Variants in SSH2 observed in about 807,000 individuals in gnomAD.
The protein encoded by SSH2 is protein phosphatase Slingshot homolog 2.
A neutral mutation model predicts 135.2 loss-of-function variants in SSH2; 37 were observed. That is an observed-to-expected ratio of 0.27 (90% CI 0.21 to 0.36). The LOEUF (loss-of-function observed/expected upper bound fraction) is 0.36, where lower values mean the gene tolerates loss of function less well. Among genes scored for constraint, SSH2 ranks in the 10% least tolerant of loss-of-function variants. The pLI, the probability that SSH2 is intolerant of heterozygous loss-of-function variation, is 1.00. For synonymous variants in SSH2, 628 were observed against 646.2 expected, an observed-to-expected ratio of 0.97 and a Z score of 0.43; for missense variants, 1,408 against 1,765.3, an observed-to-expected ratio of 0.80 and a Z score of 3.63.
chr17:29,830,848 T>C (rs1444993366), intron 2 of SSH2, among the ~76,000 whole-genome samples: 1 of 152,134 alleles, frequency 6.6e-6, no homozygotes, highest in East Asian at 1.9e-4. Context: ...CCAGTTTAAT[T>C]AGTTCAAGAT....
At chr17:29,687,325 T>C (rs183353430) in intron 5 of SSH2, among the ~76,000 whole-genome samples, 186 of 152,360 alleles carry the variant, frequency 1.2e-3, no homozygotes, top group African/African-American at 4.3e-3. Context: ...AGTGGCTACA[T>C]TAAATCTTGT....
intron 8 of SSH2, among the ~76,000 whole-genome samples, 158 bp from the exon 9 acceptor site, chr17:29,672,287 C>T (rs1260556076): frequency 6.6e-6 from 1 of 152,098 alleles, no homozygotes; most frequent in Admixed American, 6.6e-5. Context: ...CTGATTATAC[C>T]ATATTATCTA....
chr17:29,715,201 T>C (rs2039578351), intron 3 of SSH2, among the ~76,000 whole-genome samples: 1 of 151,532 alleles, frequency 6.6e-6, no homozygotes, highest in African/African-American at 2.4e-5. Flanking sequence ...AACCTCCTTT[T>C]GGCTTTTTCT....
At chr17:29,893,557 C>T (rs565896003) in intron 1 of SSH2, among the ~76,000 whole-genome samples, 1 of 152,218 alleles carries the variant, frequency 6.6e-6, no homozygotes, top group East Asian at 1.9e-4. Flanking sequence ...TTCCCAGACA[C>T]CGAATCTGCT....
intron 2 of SSH2, among the ~76,000 whole-genome samples, chr17:29,815,830 C>T (rs1483231826): frequency 6.6e-6 from 1 of 151,924 alleles, no homozygotes; most frequent in Non-Finnish European, 1.5e-5. Context: ...TCTCTAGAGC[C>T]CTGATTGTTT....
intron 3 of SSH2, among the ~76,000 whole-genome samples, chr17:29,750,309 C>T (rs956021243): frequency 9.3e-5 from 14 of 150,752 alleles, no homozygotes; most frequent in African/African-American, 2.4e-4. Context: ...CGTGGTGGCA[C>T]GCACCTGTAA....
intron 3 of SSH2, among the ~76,000 whole-genome samples, chr17:29,759,407 T>A (rs575583475): frequency 2.0e-5 from 3 of 152,224 alleles, no homozygotes; most frequent in African/African-American, 7.2e-5. Context: ...TTACTTTTAC[T>A]GGCCATGAAT....
At chr17:29,888,004 A>G (rs1036725769) in intron 1 of SSH2, among the ~76,000 whole-genome samples, 7 of 152,136 alleles carry the variant, frequency 4.6e-5, no homozygotes, top group African/African-American at 1.4e-4. Flanking sequence ...TGGGAGGCCA[A>G]TACTGGAGGA....
At chr17:29,697,571 G>T (rs2038809012) in intron 4 of SSH2, among the ~76,000 whole-genome samples, 1 of 152,044 alleles carries the variant, frequency 6.6e-6, no homozygotes. Flanking sequence ...GCGGGGGAGT[G>T]CTTGAGGCTA....
At chr17:29,648,078 A>G in intron 14 of SSH2, 66 bp downstream of exon 14, 1 of 1,430,792 alleles carries the variant, frequency 7.0e-7, no homozygotes, top group Non-Finnish European at 9.8e-7. Flanking sequence ...AGCTACAGAG[A>G]AGGACACTTC....
Position 29,636,243 on chromosome 17 carries a change from G to C in SSH2, c.1987C>G (p.Pro663Ala). The part of the protein sequence containing the change: ...SPDPESPSPQ[P>A]SCQTEISDFS... ...TCTGAGATTTCAGTCTGGCAACTGG[G>C]TTGGGGGCTTGGTGACTCAGGATCA... Residue 663 changes from proline to alanine, a missense_variant, in exon 15 of 16, where the codon CCC becomes GCC. By Grantham distance (27) the Pro-to-Ala change is conservative (BLOSUM62 -1). Coordinates refer to ENST00000540801, the MANE Select transcript of SSH2 (RefSeq NM_001282129.2). 6.2e-7 allele frequency: 1 copy of C among 1,614,114 alleles called. No individual in the cohort carries two copies. The highest frequency in any genetic ancestry group is 8.5e-7 in the Non-Finnish European group (1 of 1,180,036).
chr17:29,643,576 C>A (rs1033104315), intron 14 of SSH2, among the ~76,000 whole-genome samples: 1 of 152,076 alleles, frequency 6.6e-6, no homozygotes, highest in Admixed American at 6.6e-5. Context: ...TCACTGCAAC[C>A]TTTGCACCTT....
chr17:29,783,843 G>C (rs1205239211), intron 3 of SSH2, among the ~76,000 whole-genome samples: 1 of 151,422 alleles, frequency 6.6e-6, no homozygotes, highest in Non-Finnish European at 1.5e-5. Flanking sequence ...GAGGCGGGCG[G>C]ATCACGAGGT....
At chr17:29,838,330 C>A (rs1235706830) in intron 2 of SSH2, among the ~76,000 whole-genome samples, 1 of 152,202 alleles carries the variant, frequency 6.6e-6, no homozygotes, top group Non-Finnish European at 1.5e-5. Flanking sequence ...TTGGTGTTGG[C>A]CTGCAGGTGC....
chr17:29,677,532 G>A (rs894098966), intron 7 of SSH2, 141 bp downstream of exon 7: 1 of 710,716 alleles, frequency 1.4e-6, no homozygotes, highest in African/African-American at 1.8e-5. Context: ...TACAAAACAG[G>A]AGTTTAAAAG....
At position 29,636,038 on chromosome 17, in the gene SSH2, T is replaced by C; in HGVS notation, c.2192A>G (p.Gln731Arg). Residue 731 changes from glutamine to arginine, a missense_variant, in exon 15 of 16, where the codon CAG becomes CGG. Physicochemically the swap from Gln to Arg is conservative, Grantham distance 43 (BLOSUM62 1). This residue lies in a region of SSH2 where 1,080 missense variants were observed against 1,144.5 expected (regional missense o/e 0.94). Transcript: ENST00000540801. ...VAPSKVTADD[Q>R]RSSSLSNTPH... is the part of the protein sequence containing the mutation. ...AGTATTACTCAAAGAGCTGCTTCTC[T>C]GGTCATCAGCTGTCACTTTGGAAGG... is the stretch of plus-strand genomic sequence containing the variant. 2 of 1,614,204 alleles carry C rather than the reference T, an allele frequency of 1.2e-6. No individual in the cohort carries two copies. Among genetic ancestry groups the C allele is most frequent in the Non-Finnish European group, 1.7e-6 (2 of 1,180,008 alleles).
intron 1 of SSH2, among the ~76,000 whole-genome samples, chr17:29,924,491 A>G (rs1051695459): frequency 3.9e-5 from 6 of 152,232 alleles, no homozygotes; most frequent in African/African-American, 7.2e-5. Context: ...TTAAAACAAG[A>G]GTAAGCCTTC....
chr17:29,773,300 AAAGAC>A (rs1447389255), intron 3 of SSH2, among the ~76,000 whole-genome samples: 2 of 152,226 alleles, frequency 1.3e-5, no homozygotes, highest in Admixed American at 1.3e-4. Context: ...GTAGAAAAGA[AAAGAC>A]AAGGGGTCCT....
chr17:29,793,980 TTCATA>T (rs1244656531), intron 2 of SSH2, 43 bp from the exon 3 acceptor site: 1 of 1,412,392 alleles, frequency 7.1e-7, no homozygotes, highest in Non-Finnish European at 1.0e-6. Flanking sequence ...AACCTGAGGT[TTCATA>T]TCATAATATC....
Sources: gnomAD v4.1 joint callset for allele counts (sites outside exome capture counted in the v4.1 genomes callset) on GRCh38, gnomAD v4.1.1 for gene constraint, gnomAD v4.1.1 regional missense constraint, MANE v1.5 for transcripts, NCBI Gene and HGNC (gene_info 2026-07-23, HGNC 2026-07-21) for gene names.